POLR2F: variants seen among roughly 807,000 people sequenced by gnomAD.
POLR2F encodes RNA polymerase II, I and III subunit F, also known as DNA-directed RNA polymerases I, II, and III subunit RPABC2.
A neutral mutation model predicts 22.7 loss-of-function variants in POLR2F; 12 were observed. The observed-to-expected ratio is 0.53, with a 90% confidence interval of 0.34 to 0.86. The LOEUF (loss-of-function observed/expected upper bound fraction) is 0.86, where lower values mean the gene tolerates loss of function less well. Among genes scored for constraint, POLR2F ranks in the 40% least tolerant of loss-of-function variants. The pLI, the probability that POLR2F is intolerant of heterozygous loss-of-function variation, is 0.02. For missense variants in POLR2F, 126 were observed against 171.5 expected (o/e 0.73, Z 1.48); for synonymous variants, 57 against 66.0 (o/e 0.86, Z 0.66).
intron 1 of POLR2F, among the ~76,000 whole-genome samples, chr22:37,995,055 A>AG (rs1427217625): frequency 6.6e-6 from 1 of 152,212 alleles, no homozygotes; most frequent in Non-Finnish European, 1.5e-5. Flanking sequence ...GTGCAATGGG[A>AG]GGAGCTGCTT....
chr22:38,003,074 A>G (rs1361945603), intron 1 of POLR2F, among the ~76,000 whole-genome samples: 1 of 152,020 alleles, frequency 6.6e-6, no homozygotes, highest in Non-Finnish European at 1.5e-5. Context: ...AGGTTCAGAG[A>G]AGGGAAAGCA....
chr22:38,020,748 A>C (rs911278086), intron 1 of POLR2F, among the ~76,000 whole-genome samples: 13 of 151,658 alleles, frequency 8.6e-5, no homozygotes, highest in African/African-American at 2.7e-4. Flanking sequence ...TAAAAAAAAA[A>C]CACCAAAACA....
At chr22:37,965,556 C>T (rs533295191) in intron 3 of POLR2F, among the ~76,000 whole-genome samples, 2 of 152,334 alleles carry the variant, frequency 1.3e-5, no homozygotes, top group East Asian at 1.9e-4. Flanking sequence ...CAGGCACATG[C>T]AGATCAGGTA....
chr22:38,029,166 A>G (rs1036423135), downstream of POLR2F, among the ~76,000 whole-genome samples: 3 of 152,182 alleles, frequency 2.0e-5, no homozygotes, highest in Admixed American at 2.0e-4. Context: ...AGCTTAGGGA[A>G]GGAGACTTGA....
chr22:38,005,143 T>C (rs757151418), intron 1 of POLR2F, among the ~76,000 whole-genome samples: 5 of 152,370 alleles, frequency 3.3e-5, no homozygotes, highest in Admixed American at 6.5e-5. Context: ...AGCGAGTAGA[T>C]ATGCATGTCT....
intron 1 of POLR2F, chr22:37,987,072 C>T (rs1248769653): frequency 4.4e-6 from 2 of 456,730 alleles, no homozygotes; most frequent in South Asian, 1.5e-5. Context: ...CCCCCATCAC[C>T]TCTCTGTCCT....
At chr22:37,963,424 G>A (rs1931728904) in intron 3 of POLR2F, among the ~76,000 whole-genome samples, 1 of 152,146 alleles carries the variant, frequency 6.6e-6, no homozygotes, top group African/African-American at 2.4e-5. Context: ...CAGGTAGCTA[G>A]GACTACAGGC....
At chr22:38,003,630 G>GACATAC (rs1490552081) in intron 1 of POLR2F, among the ~76,000 whole-genome samples, 3 of 151,818 alleles carry the variant, frequency 2.0e-5, no homozygotes, top group East Asian at 1.9e-4. Flanking sequence ...CCACTGGAGT[G>GACATAC]CAGTGGTATG....
chr22:38,022,402 T>A (rs1404320446), intron 1 of POLR2F, among the ~76,000 whole-genome samples: 1 of 150,128 alleles, frequency 6.7e-6, no homozygotes, highest in Non-Finnish European at 1.5e-5. Flanking sequence ...AAATACAAAA[T>A]TAGCTGGGTG....
In POLR2F at chr22:38,031,719, G is replaced by C. The variant is rs1368254579; in HGVS notation, c.453-9349G>C. Among the ~76,000 whole-genome samples, 1 of 152,128 alleles carries C rather than the reference G, an allele frequency of 6.6e-6. No homozygotes were observed. The highest frequency in any genetic ancestry group is 1.5e-5 in the Non-Finnish European group (1 of 68,036). On this transcript the variant is annotated intron_variant, in intron 5 of 5. Coordinates refer to the POLR2F transcript ENST00000407936. The surrounding 1 kb of genome is among the most constrained non-coding windows in gnomAD (Gnocchi z 4.1). ...GTTGCTTCCAGCCTGAAAGTGCTGT[G>C]AGTCCATGTCTCAAACCCGCGTCAC... is the stretch of plus-strand genomic sequence containing the variant.
Position 37,978,934 on chromosome 22 carries a change from G to A in POLR2F, c.293+11764G>A, listed in dbSNP as rs1569169569. 1.3e-5 allele frequency among the ~76,000 whole-genome samples: 2 copies of A among 151,954 alleles called. No individual in the cohort carries two copies. Among genetic ancestry groups the A allele is most frequent in the Admixed American group, 1.3e-4 (2 of 15,242 alleles). ...TGGGATTACAAGCATGCGCCACCACGCCCGGTTAATTTTTGTATTTTTAGT... is the reference window on the plus strand; with the variant it reads ...TGGGATTACAAGCATGCGCCACCACACCCGGTTAATTTTTGTATTTTTAGT... On this transcript the variant is annotated intron_variant, in intron 4 of 4. Coordinates refer to the POLR2F transcript ENST00000405557. This position sits in a 1 kb window ranked among gnomAD's most constrained non-coding sequence, Gnocchi z 5.0.
chr22:38,019,858 T>C (rs2084945089), intron 1 of POLR2F, among the ~76,000 whole-genome samples: 1 of 151,910 alleles, frequency 6.6e-6, no homozygotes, highest in Non-Finnish European at 1.5e-5. Context: ...CTACTAAAAA[T>C]ACAAAATTAG....
At chr22:37,971,917 C>T (rs182340264), downstream of POLR2F, among the ~76,000 whole-genome samples, 6 of 152,014 alleles carry the variant, frequency 3.9e-5, no homozygotes, top group South Asian at 2.1e-4. Flanking sequence ...GCATAGCCGC[C>T]GGGCTGGGGA....
At chr22:38,006,440 G>T (rs1366961917) in intron 1 of POLR2F, among the ~76,000 whole-genome samples, 2 of 152,120 alleles carry the variant, frequency 1.3e-5, no homozygotes, top group South Asian at 2.1e-4. Context: ...CCCTCCAGCC[G>T]CTCACTCAGC....
intron 5 of POLR2F, among the ~76,000 whole-genome samples, chr22:38,037,309 T>C (rs2085125796): frequency 6.6e-6 from 1 of 152,036 alleles, no homozygotes; most frequent in African/African-American, 2.4e-5. Context: ...GGTGTCACTC[T>C]GTCTTCCAGG....
chr22:38,017,176 G>A lies in POLR2F; in HGVS notation c.121-8693G>A, dbSNP rs774838621. Among the ~76,000 whole-genome samples, 1 of 152,200 alleles carries A rather than the reference G, an allele frequency of 6.6e-6. No homozygotes were observed. The highest frequency in any genetic ancestry group is 1.5e-5 in the Non-Finnish European group (1 of 68,026). On this transcript the variant is annotated intron_variant, in intron 1 of 2. Coordinates refer to the POLR2F transcript ENST00000333418. The surrounding 1 kb of genome is among the most constrained non-coding windows in gnomAD (Gnocchi z 4.1). The stretch of plus-strand genomic sequence containing the variant: ...CCCAAGGCAGCCTCTCTAGGTCTGG[G>A]TGCCTAAAGCCTGCAAAACTGGTGT...
intron 1 of POLR2F, among the ~76,000 whole-genome samples, chr22:37,991,091 G>C (rs976589837): frequency 1.3e-5 from 2 of 152,166 alleles, no homozygotes; most frequent in African/African-American, 4.8e-5. Flanking sequence ...AGACCAGCCT[G>C]GACAACATAG....
chr22:37,987,739 C>T (rs1051205278), intron 1 of POLR2F: 8 of 239,598 alleles, frequency 3.3e-5, no homozygotes, highest in Middle Eastern at 1.5e-3. Flanking sequence ...ACAGGGAAAG[C>T]GTTTAGCACC....
At chr22:38,040,524 T>G (rs920329474) in intron 5 of POLR2F, 10 of 155,068 alleles carry the variant, frequency 6.4e-5, no homozygotes, top group Non-Finnish European at 1.1e-4. Context: ...GGCAGTGGGG[T>G]GGTCACTGTA....
Sources: allele counts gnomAD v4.1 joint callset (sites outside exome capture counted in the v4.1 genomes callset), GRCh38; gene constraint gnomAD v4.1.1; non-coding constraint Gnocchi (gnomAD v3.1); transcripts MANE v1.5; gene names NCBI Gene and HGNC (gene_info 2026-07-23, HGNC 2026-07-21).